Variants in SGK3 observed in about 807,000 individuals in gnomAD.
The protein encoded by SGK3 is serum/glucocorticoid regulated kinase family member 3, also known as serine/threonine-protein kinase Sgk3.
In SGK3, 47 loss-of-function variants were observed where a neutral mutation model predicts 68.5. That is an observed-to-expected ratio of 0.69 (90% CI 0.54 to 0.87). The LOEUF is 0.87. Among genes scored for constraint, SGK3 ranks in the 40% least tolerant of loss-of-function variants. SGK3 has a pLI of 0.00. For synonymous variants in SGK3, 181 were observed against 189.1 expected, an observed-to-expected ratio of 0.96 and a Z score of 0.35; for missense variants, 479 against 575.5, an observed-to-expected ratio of 0.83 and a Z score of 1.72.
At chr8:66,798,092 C>T (rs1260067538) in intron 2 of SGK3, among the ~76,000 whole-genome samples, 2 of 151,762 alleles carry the variant, frequency 1.3e-5, no homozygotes, top group Non-Finnish European at 2.9e-5. Flanking sequence ...ACTACAGCGT[C>T]GACTTACCTG....
intron 16 of SGK3, among the ~76,000 whole-genome samples, chr8:66,853,409 C>G (rs1563661795): frequency 6.6e-6 from 1 of 152,088 alleles, no homozygotes; most frequent in Non-Finnish European, 1.5e-5. Flanking sequence ...CAGAAATAGT[C>G]TTTGATGCTT....
chr8:66,751,191 A>G (rs888898372), intron 1 of SGK3, among the ~76,000 whole-genome samples: 2 of 151,964 alleles, frequency 1.3e-5, no homozygotes, highest in African/African-American at 4.8e-5. Context: ...AGTCCCAGCT[A>G]CTCAGGAGGC....
At chr8:66,753,577 C>T (rs987056194) in intron 1 of SGK3, among the ~76,000 whole-genome samples, 1 of 152,194 alleles carries the variant, frequency 6.6e-6, no homozygotes, top group African/African-American at 2.4e-5. Flanking sequence ...GTAATCCCAG[C>T]ACTTTGGGAG....
intron 1 of SGK3, among the ~76,000 whole-genome samples, chr8:66,726,480 T>C (rs540767590): frequency 6.6e-6 from 1 of 152,312 alleles, no homozygotes; most frequent in South Asian, 2.1e-4. Flanking sequence ...CATCTGCTGA[T>C]GAGGCAGTGG....
rs1810712205 is a variant in SGK3, at chr8:66,860,556, A to G, written c.*975A>G. 1 of 152,218 alleles carries G rather than the reference A, an allele frequency of 6.6e-6. No homozygotes were observed. The allele number at this position is 152,218 out of a possible 1,614,324, so 9.4% of individuals were successfully genotyped here. On this transcript the variant is annotated 3_prime_UTR_variant, in exon 17 of 17. Coordinates refer to ENST00000521198, the MANE Select transcript of SGK3 (RefSeq NM_001033578.3). ...CCTCTGAAGGAAAAGAAAAGGCTTA[A>G]TGGTTAGGATTTTTAAGTATTCCCA...
At chr8:66,839,510 T>G (rs1400428865) in intron 10 of SGK3, among the ~76,000 whole-genome samples, 11 of 24,938 alleles carry the variant, frequency 4.4e-4, no homozygotes, top group African/African-American at 7.4e-4. Flanking sequence ...TATATATATA[T>G]ATATATATAT....
At chr8:66,843,042 G>A (rs1809859945) in intron 13 of SGK3, among the ~76,000 whole-genome samples, 1 of 152,130 alleles carries the variant, frequency 6.6e-6, no homozygotes, top group South Asian at 2.1e-4. Flanking sequence ...CTGCATTCCA[G>A]CTTGGGCGAC....
rs113405591 is a variant in SGK3, at chr8:66,798,197, G to A, written c.97-345G>A. On this transcript the variant is annotated intron_variant, in intron 2 of 16. Coordinates refer to ENST00000521198, the MANE Select transcript of SGK3 (RefSeq NM_001033578.3). The stretch of plus-strand genomic sequence containing the variant: ...TAATTTTTAAATTTTTTGTAGAGAC[G>A]GGGTCTCCCTATGTTGCCCAGGCTG... 5.5e-3 allele frequency among the ~76,000 whole-genome samples: 831 copies of A among 151,752 alleles called. 11 individuals are homozygous for A. Among genetic ancestry groups the A allele is most frequent in the African/African-American group, 0.018 (746 of 41,392 alleles).
At chr8:66,744,997 T>C (rs572260338) in intron 1 of SGK3, among the ~76,000 whole-genome samples, 1 of 152,158 alleles carries the variant, frequency 6.6e-6, no homozygotes, top group Admixed American at 6.5e-5. Context: ...TTCTAAGAAG[T>C]CTTTCTTGTT....
intron 1 of SGK3, among the ~76,000 whole-genome samples, chr8:66,729,723 T>A (rs2130363097): frequency 7.1e-6 from 1 of 140,556 alleles, no homozygotes; most frequent in African/African-American, 3.1e-5. Flanking sequence ...ATGCCTACAT[T>A]TATTTATTTA....
chr8:66,797,849 C>T (rs1807762424), intron 2 of SGK3, among the ~76,000 whole-genome samples: 1 of 152,088 alleles, frequency 6.6e-6, no homozygotes, highest in Non-Finnish European at 1.5e-5. Flanking sequence ...AAATCTGAAG[C>T]AAGAATGGCA....
chr8:66,839,914 C>A, intron 10 of SGK3, 89 bp from the exon 11 acceptor site: 1 of 1,245,512 alleles, frequency 8.0e-7, no homozygotes. Context: ...CAATTCCTAC[C>A]TTTGTATTTA....
chr8:66,716,610 G>C (rs751429828), intron 1 of SGK3, among the ~76,000 whole-genome samples: 6 of 152,038 alleles, frequency 3.9e-5, no homozygotes, highest in Non-Finnish European at 7.4e-5. Context: ...AAGGGGAATT[G>C]TTAGAGGATG....
intron 1 of SGK3, among the ~76,000 whole-genome samples, chr8:66,762,709 A>G (rs1806211144): frequency 6.6e-6 from 1 of 152,180 alleles, no homozygotes; most frequent in Non-Finnish European, 1.5e-5. Context: ...GGTAATTGAT[A>G]TCTCATTTTA....
intron 6 of SGK3, among the ~76,000 whole-genome samples, chr8:66,827,850 A>G (rs1397344780): frequency 6.6e-6 from 1 of 152,140 alleles, no homozygotes; most frequent in East Asian, 1.9e-4. Flanking sequence ...AAGGCTGAGC[A>G]CGGTGGCTCA....
chr8:66,729,532 T>G (rs1805082626), intron 1 of SGK3, among the ~76,000 whole-genome samples: 1 of 152,094 alleles, frequency 6.6e-6, no homozygotes, highest in Non-Finnish European at 1.5e-5. Flanking sequence ...ATCTATTGAT[T>G]GATGTTTGGG....
At chr8:66,719,167 TAC>T (rs536110207) in intron 1 of SGK3, among the ~76,000 whole-genome samples, 25 of 152,316 alleles carry the variant, frequency 1.6e-4, no homozygotes, top group African/African-American at 6.0e-4. Context: ...TAATTTTATC[TAC>T]AGAGATTACT....
At chr8:66,754,548 C>T (rs1805916408) in intron 1 of SGK3, among the ~76,000 whole-genome samples, 1 of 152,184 alleles carries the variant, frequency 6.6e-6, no homozygotes, top group Admixed American at 6.5e-5. Flanking sequence ...TCTGCATATA[C>T]ATGATGAGAT....
intron 4 of SGK3, among the ~76,000 whole-genome samples, chr8:66,812,472 G>A (rs1437382653): frequency 2.0e-5 from 3 of 151,748 alleles, no homozygotes; most frequent in African/African-American, 4.8e-5. Context: ...CAGGAGAATC[G>A]CTTGAAACTC....
Sources: gnomAD v4.1 joint callset for allele counts (sites outside exome capture counted in the v4.1 genomes callset) on GRCh38, gnomAD v4.1.1 for gene constraint, MANE v1.5 for transcripts, NCBI Gene and HGNC (gene_info 2026-07-23, HGNC 2026-07-21) for gene names.